Variants in AGAP1 observed in about 807,000 individuals in gnomAD.
The protein encoded by AGAP1 is ArfGAP with GTPase domain, ankyrin repeat and PH domain 1.
Under a neutral mutation model 105.3 loss-of-function variants are expected in AGAP1, and 29 were observed. That is an observed-to-expected ratio of 0.28 (90% confidence interval 0.21 to 0.38). The LOEUF is 0.38. AGAP1 is among the 10% of genes least tolerant of loss of function. The pLI, the probability that AGAP1 is intolerant of heterozygous loss-of-function variation, is 1.00. For missense variants in AGAP1, 998 were observed against 1,165.1 expected, an observed-to-expected ratio of 0.86 and a Z score of 2.09; for synonymous variants, 509 against 485.9, an observed-to-expected ratio of 1.05 and a Z score of -0.63.
chr2:235,794,906 A>G (rs1023705573), intron 6 of AGAP1, among the ~76,000 whole-genome samples: 15 of 152,354 alleles, frequency 9.8e-5, no homozygotes, highest in Middle Eastern at 3.4e-3. Context: ...ATATGAAACA[A>G]CACATTTATT....
rs548484514 is a variant in AGAP1 at position 235,867,501 on chromosome 2, GC to G, written c.1051-15840del. Among the ~76,000 whole-genome samples the G allele has an allele frequency of 1.2e-3, 174 of 150,958 alleles. 1 individual carries two copies. Among genetic ancestry groups the G allele is most frequent in the African/African-American group, 4.1e-3 (167 of 40,976 alleles). On this transcript the variant is annotated intron_variant, in intron 9 of 17. Coordinates refer to ENST00000304032, the MANE Select transcript of AGAP1 (RefSeq NM_001037131.3). This position sits in a 1 kb window ranked among gnomAD's most constrained non-coding sequence, Gnocchi z 5.4. ...GTTCCTGTTAGGCGGGAAGGCTCTGGCCCCTCGGGATCATACACCTTATGCT... is the reference window on the plus strand; with the variant it reads ...GTTCCTGTTAGGCGGGAAGGCTCTGGCCCTCGGGATCATACACCTTATGCT...
chr2:235,526,443 T>C (rs922653975), intron 1 of AGAP1, among the ~76,000 whole-genome samples: 13 of 152,238 alleles, frequency 8.5e-5, no homozygotes, highest in African/African-American at 3.1e-4. Context: ...TTCCCTTTGC[T>C]TATAACTCAC....
At chr2:235,532,608 ACTGT>A (rs1943081359) in intron 1 of AGAP1, among the ~76,000 whole-genome samples, 1 of 152,188 alleles carries the variant, frequency 6.6e-6, no homozygotes. Flanking sequence ...CTTTTCATAA[ACTGT>A]CTTTTTAAAT....
chr2:235,762,382 G>A (rs1403356605), intron 6 of AGAP1, among the ~76,000 whole-genome samples: 1 of 152,182 alleles, frequency 6.6e-6, no homozygotes, highest in African/African-American at 2.4e-5. Flanking sequence ...AAGAGGATGT[G>A]AGGAATTCAG....
chr2:236,116,828 G>T lies in AGAP1; in HGVS notation c.2115-3364G>T, dbSNP rs144547927. 2.7e-5 allele frequency among the ~76,000 whole-genome samples: 4 copies of T among 150,550 alleles called. No individual in the cohort carries two copies. The South Asian group carries it at 8.4e-4, about 32-fold the overall frequency. ...TATGTCCCCATAGCTTAGCTCCCAC[G>T]TATCAGTGAGAACATGCGATGTTTG... On this transcript the variant is annotated intron_variant, in intron 16 of 17. Coordinates refer to ENST00000304032, the MANE Select transcript of AGAP1 (RefSeq NM_001037131.3).
chr2:236,102,413 A>G lies in AGAP1; in HGVS notation c.2115-17779A>G, dbSNP rs558836375. Among the ~76,000 whole-genome samples the G allele has an allele frequency of 8.9e-3, 911 of 101,812 alleles. 8 individuals are homozygous for G. Among genetic ancestry groups the G allele is most frequent in the African/African-American group, 0.037 (842 of 22,630 alleles). The allele number at this position is 101,812 out of a possible 152,430, so 66.8% of individuals were successfully genotyped here. ...AGCCTGGGCGACAGAGCGAGACTCCATCTCAAAAAAAAAAAAAAAAAAAAG... is the reference window on the plus strand; with the variant it reads ...AGCCTGGGCGACAGAGCGAGACTCCGTCTCAAAAAAAAAAAAAAAAAAAAG... On this transcript the variant is annotated intron_variant, in intron 16 of 17. Transcript: ENST00000304032.
chr2:236,093,676 A>C (rs6715573), intron 16 of AGAP1, among the ~76,000 whole-genome samples: 25,403 of 152,054 alleles, frequency 0.17, 4,412 homozygotes, highest in African/African-American at 0.44. Flanking sequence ...ATTTTTGGAT[A>C]ATTTGGTGAA....
chr2:235,516,558 C>T (rs1295400563), intron 1 of AGAP1, among the ~76,000 whole-genome samples: 1 of 152,162 alleles, frequency 6.6e-6, no homozygotes, highest in Non-Finnish European at 1.5e-5. Flanking sequence ...AGTGTAAGTG[C>T]TTGGCACCTG....
At chr2:235,828,372 C>G (rs1384414278) in intron 9 of AGAP1, among the ~76,000 whole-genome samples, 4 of 152,162 alleles carry the variant, frequency 2.6e-5, no homozygotes, top group Non-Finnish European at 5.9e-5. Flanking sequence ...TCAATTCTCA[C>G]AACCACCTTA....
rs935848302 is a variant in AGAP1, at chr2:235,970,163, C to T, written c.1645+1540C>T. On this transcript the variant is annotated intron_variant, in intron 13 of 17. Coordinates refer to ENST00000304032, the MANE Select transcript of AGAP1 (RefSeq NM_001037131.3). The surrounding 1 kb of genome is among the most constrained non-coding windows in gnomAD (Gnocchi z 5.4). Reference sequence around the variant, plus strand: ...GTTGCAGTGAACCGAGACCATGCCACTGCACTCCAGCCTGGGCGGGCGACA... The same window carrying T: ...GTTGCAGTGAACCGAGACCATGCCATTGCACTCCAGCCTGGGCGGGCGACA... 4.7e-5 allele frequency among the ~76,000 whole-genome samples: 7 copies of T among 147,514 alleles called. No individual in the cohort carries two copies. Among genetic ancestry groups the T allele is most frequent in the African/African-American group, 1.5e-4 (6 of 39,640 alleles).
chr2:235,921,917 T>A (rs751851423), intron 11 of AGAP1, among the ~76,000 whole-genome samples: 17 of 152,344 alleles, frequency 1.1e-4, no homozygotes, highest in Non-Finnish European at 2.1e-4. Context: ...TGGGCCCCAT[T>A]CACAGGCCTT....
rs1339847975 is a variant in AGAP1, at chr2:236,000,386, A to T, written c.1645+31763A>T. ...GTCACACATTTCCAAGAACCTGTCA[A>T]TGGCATTGAGGACTTTCTGTACAAA... On this transcript the variant is annotated intron_variant, in intron 13 of 17. Coordinates refer to ENST00000304032, the MANE Select transcript of AGAP1 (RefSeq NM_001037131.3). The surrounding 1 kb of genome is among the most constrained non-coding windows in gnomAD (Gnocchi z 4.3). 1.3e-5 allele frequency among the ~76,000 whole-genome samples: 2 copies of T among 152,198 alleles called. No homozygotes were observed. The highest frequency in any genetic ancestry group is 4.8e-5 in the African/African-American group (2 of 41,444).
chr2:235,700,952 A>G lies in AGAP1; in HGVS notation c.164-8227A>G, dbSNP rs1005376918. ...ACATGCTAGCATATTTGTAATATATATATTATGTATTATGTATATATTATA... is the reference window on the plus strand; with the variant it reads ...ACATGCTAGCATATTTGTAATATATGTATTATGTATTATGTATATATTATA... On this transcript the variant is annotated intron_variant, in intron 1 of 17. Coordinates refer to ENST00000304032, the MANE Select transcript of AGAP1 (RefSeq NM_001037131.3). The surrounding 1 kb of genome is among the most constrained non-coding windows in gnomAD (Gnocchi z 6.1). 2.7e-5 allele frequency among the ~76,000 whole-genome samples: 4 copies of G among 147,468 alleles called. No individual in the cohort carries two copies. Among genetic ancestry groups the G allele is most frequent in the Non-Finnish European group, 6.0e-5 (4 of 67,220 alleles).
chr2:235,682,232 A>T (rs1018142856), intron 1 of AGAP1, among the ~76,000 whole-genome samples: 1 of 152,152 alleles, frequency 6.6e-6, no homozygotes, highest in African/African-American at 2.4e-5. Context: ...AATAATATGT[A>T]CGTTGTGGAC....
intron 9 of AGAP1, among the ~76,000 whole-genome samples, chr2:235,846,640 A>G (rs1961529656): frequency 2.7e-5 from 4 of 150,284 alleles, no homozygotes; most frequent in South Asian, 2.1e-4. Flanking sequence ...CTATTTATTT[A>G]TTAAATAATT....
rs575997935 is a variant in AGAP1, at chr2:235,716,703, G to T, written c.223-854G>T. Among the ~76,000 whole-genome samples the T allele has an allele frequency of 7.2e-5, 11 of 152,180 alleles. No individual in the cohort carries two copies. In the South Asian group the frequency reaches 2.3e-3, roughly 32 times the overall value. ...AGCAGCTTCCCAGAGAAGGCGGCAT[G>T]GGGGGTATCCAGCTCCCAAGCACAG... is the stretch of plus-strand genomic sequence containing the variant. On this transcript the variant is annotated intron_variant, in intron 2 of 17. Coordinates refer to ENST00000304032, the MANE Select transcript of AGAP1 (RefSeq NM_001037131.3). This position sits in a 1 kb window ranked among gnomAD's most constrained non-coding sequence, Gnocchi z 4.0.
rs1054785145 is a variant in AGAP1 at position 235,729,590 on chromosome 2, G to T, written c.311-11373G>T. On this transcript the variant is annotated intron_variant, in intron 3 of 17. Coordinates refer to ENST00000304032, the MANE Select transcript of AGAP1 (RefSeq NM_001037131.3). This position sits in a 1 kb window ranked among gnomAD's most constrained non-coding sequence, Gnocchi z 5.0. ...CCAGCTCAGGGCGTTGGTCCACTTG[G>T]TTATTCTTGGGGACCAAAATCCAAG... Among the ~76,000 whole-genome samples the T allele has an allele frequency of 6.6e-6, 1 of 152,148 alleles. No homozygotes were observed. Among genetic ancestry groups the T allele is most frequent in the Non-Finnish European group, 1.5e-5 (1 of 68,038 alleles).
chr2:235,547,872 C>G (rs1414922824), intron 1 of AGAP1, among the ~76,000 whole-genome samples: 1 of 152,206 alleles, frequency 6.6e-6, no homozygotes. Context: ...CCAGGGTGAA[C>G]TTGGTAATGG....
chr2:236,037,978 A>G (rs141397826), intron 14 of AGAP1, among the ~76,000 whole-genome samples: 36 of 152,346 alleles, frequency 2.4e-4, no homozygotes, highest in African/African-American at 8.7e-4. Context: ...TTGTCACTAA[A>G]AAGAGAGTCT....
Sources: allele counts gnomAD v4.1 joint callset (sites outside exome capture counted in the v4.1 genomes callset), GRCh38; gene constraint gnomAD v4.1.1; non-coding constraint Gnocchi (gnomAD v3.1); transcripts MANE v1.5; gene names NCBI Gene and HGNC (gene_info 2026-07-23, HGNC 2026-07-21).